Variants in NHS observed in about 807,000 individuals in gnomAD.
NHS encodes actin remodeling regulator NHS.
A neutral mutation model predicts 72.5 loss-of-function variants in NHS; 5 were observed. The ratio of observed to expected loss-of-function variants is 0.07; its 90% CI spans 0.04 to 0.14. NHS has a LOEUF of 0.14. NHS is among the 10% of genes least tolerant of loss of function. NHS has a pLI of 1.00. For missense variants in NHS, 1,072 were observed against 1,355.7 expected, an observed-to-expected ratio of 0.79 and a Z score of 3.29; for synonymous variants, 464 against 547.7, an observed-to-expected ratio of 0.85 and a Z score of 2.13.
intron 1 of NHS, among the ~76,000 whole-genome samples, chrX:17,568,454 G>C (rs972319437): frequency 7.2e-5 from 8 of 110,763 alleles, no homozygotes; most frequent in African/African-American, 2.6e-4. Flanking sequence ...TAATCTGATG[G>C]CATAATAATA....
At chrX:17,578,456 C>A (rs1334063755) in intron 1 of NHS, among the ~76,000 whole-genome samples, 1 of 111,894 alleles carries the variant, frequency 8.9e-6, no homozygotes, top group East Asian at 2.8e-4. Flanking sequence ...GTCTCTGCCA[C>A]CTATAGGTTA....
intron 1 of NHS, among the ~76,000 whole-genome samples, chrX:17,539,339 T>A (rs1387304982): frequency 9.1e-6 from 1 of 109,687 alleles, no homozygotes; most frequent in Non-Finnish European, 1.9e-5. Context: ...TTCTCCACAG[T>A]CCTTAATGCT....
At chrX:17,559,109 T>C (rs2065398544) in intron 1 of NHS, among the ~76,000 whole-genome samples, 1 of 112,196 alleles carries the variant, frequency 8.9e-6, no homozygotes, top group African/African-American at 3.2e-5. Flanking sequence ...CAAATCTACC[T>C]GTTTTCTATG....
rs34067989 is a variant in NHS, at chrX:17,602,834, ATTTT to A, written c.566-84888_566-84885del. 1.6e-4 allele frequency among the ~76,000 whole-genome samples: 13 copies of A among 83,273 alleles called. No individual in the cohort carries two copies. In the East Asian group the frequency reaches 2.5e-3, roughly 16 times the overall value. 72.3% of individuals were successfully genotyped at this position (83,273 alleles called of 115,157 possible). ...TGGATATTTATGGGGCACAACTACA[ATTTT>A]TTTTTTTTTTTTTTTTTTTAAAGAC... On this transcript the variant is annotated intron_variant, in intron 1 of 8. Transcript: ENST00000676302.
intron 1 of NHS, among the ~76,000 whole-genome samples, chrX:17,508,033 A>G (rs2065067763): frequency 9.0e-6 from 1 of 111,556 alleles, no homozygotes; most frequent in African/African-American, 3.3e-5. Context: ...TTGGAATTGT[A>G]TATTTTTTCA....
Position 17,375,837 on chromosome X carries a change from C to T in NHS, c.80C>T (p.Ala27Val). 1 of 1,145,959 alleles carries T rather than the reference C, an allele frequency of 8.7e-7. No homozygotes were observed. Among genetic ancestry groups the T allele is most frequent in the Non-Finnish European group, 1.2e-6 (1 of 868,804 alleles). The allele number at this position is 1,145,959 out of a possible 1,213,427, so 94.4% of individuals were successfully genotyped here. Residue 27 changes from alanine to valine, a missense_variant, in exon 1 of 9, where the codon GCG (alanine) becomes GTG (valine). Physicochemically the swap from Ala to Val is moderately conservative, Grantham distance 64. Transcript: ENST00000676302. ...RRPAPGPAVD[A>V]SGGSAEPPPP... ...CCTGCGCCCGGCCCAGCAGTGGACG[C>T]GAGCGGAGGCAGCGCTGAGCCGCCG...
chrX:17,601,742 A>G (rs1432161211), intron 1 of NHS, among the ~76,000 whole-genome samples: 1 of 111,965 alleles, frequency 8.9e-6, no homozygotes, highest in Non-Finnish European at 1.9e-5. Flanking sequence ...TAATTCATAG[A>G]AACATTTCAG....
rs1247030605 is a variant in NHS at position 17,734,793 on chromosome X, A to G, written c.*2329A>G. On this transcript the variant is annotated 3_prime_UTR_variant, in exon 9 of 9. Transcript: ENST00000676302. ...ATAAAGTTTTTAGGCAAATGCGATA[A>G]GAAACCGTCATTTCCAGTCACAGTA... The G allele has an allele frequency of 8.9e-6, 1 of 112,471 alleles. No homozygotes were observed. The highest frequency in any genetic ancestry group is 2.8e-4 in the East Asian group (1 of 3,583). The allele number at this position is 112,471 out of a possible 1,213,427, so 9.3% of individuals were successfully genotyped here. A position where few individuals can be genotyped will look rare whatever the true frequency, so the allele number is the denominator to read the frequency against.
At chrX:17,568,570 C>A (rs1315821006) in intron 1 of NHS, among the ~76,000 whole-genome samples, 2 of 104,836 alleles carry the variant, frequency 1.9e-5, no homozygotes, top group African/African-American at 7.0e-5. Flanking sequence ...CTTGCTCATA[C>A]AAAAGTCTAT....
At position 17,728,783 on chromosome X, in the gene NHS, A is replaced by G. The variant is rs2066468515; in HGVS notation, c.4349+8A>G. 8.3e-7 allele frequency: 1 copy of G among 1,209,714 alleles called. No homozygotes were observed. Among genetic ancestry groups the G allele is most frequent in the South Asian group, 1.8e-5 (1 of 56,809 alleles). The stretch of plus-strand genomic sequence containing the variant: ...ATTTGCAGTCATTCACAGGTGAGGC[A>G]ACATTACCAAGTCCCCCAAAACAAA... On this transcript the variant is annotated splice_region_variant and intron_variant, in intron 8 of 8. Coordinates refer to ENST00000676302, the MANE Select transcript of NHS (RefSeq NM_001291867.2).
At chrX:17,527,554 C>T (rs1426660692) in intron 1 of NHS, among the ~76,000 whole-genome samples, 1 of 112,465 alleles carries the variant, frequency 8.9e-6, no homozygotes, top group Admixed American at 9.4e-5. Context: ...TTGCGTAAAC[C>T]CCTCTGCAGT....
intron 1 of NHS, among the ~76,000 whole-genome samples, chrX:17,674,753 G>A (rs967471659): frequency 8.9e-6 from 1 of 111,893 alleles, no homozygotes; most frequent in Non-Finnish European, 1.9e-5. Context: ...TAAATGCCAA[G>A]ACCTCCAGAC....
chrX:17,596,507 A>C (rs1158432573), intron 1 of NHS, among the ~76,000 whole-genome samples: 2 of 112,279 alleles, frequency 1.8e-5, no homozygotes, highest in Non-Finnish European at 3.8e-5. Context: ...ATCAACAGGC[A>C]GGAAACCAAA....
At chrX:17,620,803 G>C (rs935252046) in intron 1 of NHS, among the ~76,000 whole-genome samples, 6 of 111,336 alleles carry the variant, frequency 5.4e-5, no homozygotes, top group African/African-American at 2.0e-4. Flanking sequence ...CCTGAGATGA[G>C]GGAAAGTGGC....
At chrX:17,668,088 TAAAAAAAAA>T (rs3077323) in intron 1 of NHS, among the ~76,000 whole-genome samples, 1 of 63,646 alleles carries the variant, frequency 1.6e-5, no homozygotes, top group Non-Finnish European at 3.1e-5. Flanking sequence ...CCCATCTCTC[TAAAAAAAAA>T]AAAAAAAAAA....
intron 5 of NHS, among the ~76,000 whole-genome samples, chrX:17,722,340 A>G (rs997799862): frequency 1.5e-4 from 17 of 112,266 alleles, no homozygotes; most frequent in Admixed American, 1.3e-3. Context: ...AAAATATTCT[A>G]ACTTTCAAAG....
Position 17,461,020 on chromosome X carries a change from A to G in NHS, c.565+84698A>G, listed in dbSNP as rs192384810. ...TAACTTGGAGAGTTTCTTTGATATA[A>G]TGACCACTGAATTTATTGAATACCT... On this transcript the variant is annotated intron_variant, in intron 1 of 8. Transcript: ENST00000676302. Among the ~76,000 whole-genome samples the G allele has an allele frequency of 8.1e-5, 9 of 110,526 alleles. No homozygotes were observed. In the Admixed American group the frequency reaches 8.5e-4, roughly 10 times the overall value.
chrX:17,429,239 T>TGTGC (rs1569252334), intron 1 of NHS, among the ~76,000 whole-genome samples: 81 of 107,569 alleles, frequency 7.5e-4, no homozygotes, highest in African/African-American at 2.8e-3. Context: ...TGTGTGTGTG[T>TGTGC]GTGTGTGTGT....
Position 17,628,304 on chromosome X carries a change from C to CT in NHS, c.566-59428dup, listed in dbSNP as rs1163656522. ...GCCTTGTCAGAAGGGTGTGTTAGTGCTTTTTTTTTTAATCCCAGTTTGTGG... is the reference window on the plus strand; with the variant it reads ...GCCTTGTCAGAAGGGTGTGTTAGTGCTTTTTTTTTTTAATCCCAGTTTGTGG... On this transcript the variant is annotated intron_variant, in intron 1 of 8. Transcript: ENST00000676302. Among the ~76,000 whole-genome samples the CT allele has an allele frequency of 1.2e-4, 13 of 108,109 alleles. No individual in the cohort carries two copies. The East Asian group carries it at 1.7e-3, about 14-fold the overall frequency. 93.9% of individuals were successfully genotyped at this position (108,109 alleles called of 115,157 possible).
Sources: allele counts gnomAD v4.1 joint callset (sites outside exome capture counted in the v4.1 genomes callset), GRCh38; gene constraint gnomAD v4.1.1; transcripts MANE v1.5; gene names NCBI Gene and HGNC (gene_info 2026-07-23, HGNC 2026-07-21).